Variants in PCDHA9 observed in about 807,000 individuals in gnomAD.
PCDHA9 encodes the protein protocadherin alpha-9.
A neutral mutation model predicts 62.0 loss-of-function variants in PCDHA9; 62 were observed. The ratio of observed to expected loss-of-function variants is 1.00; its 90% CI spans 0.81 to 1.23. The LOEUF is 1.23. PCDHA9 is among the 50% of genes most tolerant of loss of function. The pLI is 0.00. For synonymous variants in PCDHA9, 557 were observed against 567.6 expected, an observed-to-expected ratio of 0.98 and a Z score of 0.27; for missense variants, 1,205 against 1,249.8, an observed-to-expected ratio of 0.96 and a Z score of 0.54.
rs1554206132 is a variant in PCDHA9, at chr5:140,928,678, C to A, written c.2395-50271C>A. 3.1e-6 allele frequency: 5 copies of A among 1,614,192 alleles called. No individual in the cohort carries two copies. The East Asian group carries it at 1.1e-4, about 36-fold the overall frequency. ...TGCTGACAGTGGTTCTAATGCCTGGCTTTCCTACCACATCTCCCGGGCGTC... is the reference window on the plus strand; with the variant it reads ...TGCTGACAGTGGTTCTAATGCCTGGATTTCCTACCACATCTCCCGGGCGTC... On this transcript the variant is annotated intron_variant, in intron 1 of 3. Coordinates refer to ENST00000532602, the MANE Select transcript of PCDHA9 (RefSeq NM_031857.2).
At chr5:140,870,435 G>A in intron 1 of PCDHA9, 1 of 1,614,252 alleles carries the variant, frequency 6.2e-7, no homozygotes, top group South Asian at 1.1e-5. Context: ...CCGTGGAGGT[G>A]GCCGACGTGA....
chr5:140,999,801 G>T (rs1271249129), intron 3 of PCDHA9, among the ~76,000 whole-genome samples: 1 of 152,112 alleles, frequency 6.6e-6, no homozygotes, highest in Admixed American at 6.5e-5. Flanking sequence ...GTTATTTTGG[G>T]CACAAAGCAA....
At chr5:140,851,106 C>G in intron 1 of PCDHA9, 1 of 1,294,794 alleles carries the variant, frequency 7.7e-7, no homozygotes, top group South Asian at 2.7e-5. Context: ...TTTTTGGGTG[C>G]TGAATCAATT....
chr5:141,008,284 GC>G (rs2098367825), intron 3 of PCDHA9, among the ~76,000 whole-genome samples: 1 of 152,150 alleles, frequency 6.6e-6, no homozygotes, highest in Admixed American at 6.5e-5. Context: ...AATTGAAATA[GC>G]AGTTGTACCC....
At chr5:140,925,082 A>G (rs1362065754) in intron 1 of PCDHA9, among the ~76,000 whole-genome samples, 1 of 147,284 alleles carries the variant, frequency 6.8e-6, no homozygotes, top group African/African-American at 2.6e-5. Context: ...GCTCATCTGG[A>G]AAGGAAGGAA....
chr5:140,879,989 C>T (rs1223310901), intron 1 of PCDHA9, among the ~76,000 whole-genome samples: 3 of 152,182 alleles, frequency 2.0e-5, no homozygotes, highest in African/African-American at 7.2e-5. Flanking sequence ...AGATCCTTAA[C>T]TTAATCATAT....
intron 1 of PCDHA9, chr5:140,877,326 G>A: frequency 1.9e-6 from 3 of 1,613,964 alleles, no homozygotes. Flanking sequence ...CGGTCGGCGC[G>A]CACATCCCGT....
At chr5:140,882,561 G>A in intron 1 of PCDHA9, 2 of 1,614,222 alleles carry the variant, frequency 1.2e-6, no homozygotes, top group Non-Finnish European at 1.7e-6. Flanking sequence ...CTGTGTGGGC[G>A]GAGCGCGGAG....
intron 1 of PCDHA9, chr5:140,969,289 G>C: frequency 6.2e-7 from 1 of 1,614,208 alleles, no homozygotes; most frequent in Non-Finnish European, 8.5e-7. Context: ...AGAATGCTGG[G>C]AACCTGATTA....
chr5:141,003,708 A>T (rs1251126675), intron 3 of PCDHA9, among the ~76,000 whole-genome samples: 1 of 152,218 alleles, frequency 6.6e-6, no homozygotes, highest in Non-Finnish European at 1.5e-5. Flanking sequence ...CCAATTGTGA[A>T]GATATCGGCT....
rs1554263795 is a variant in PCDHA9 at position 141,012,061 on chromosome 5, C to T, written c.*2124C>T. 1 of 153,730 alleles carries T rather than the reference C, an allele frequency of 6.5e-6. No homozygotes were observed. The highest frequency in any genetic ancestry group is 1.9e-4 in the East Asian group (1 of 5,194). The allele number at this position is 153,730 out of a possible 1,614,324, so 9.5% of individuals were successfully genotyped here. A position where few individuals can be genotyped will look rare whatever the true frequency, so the allele number is the denominator to read the frequency against. The stretch of plus-strand genomic sequence containing the variant: ...CATGGGGTAAAACTTGTTACCAACA[C>T]ATGTGAACCATTGCTACATTGTAGG... On this transcript the variant is annotated 3_prime_UTR_variant, in exon 4 of 4. Coordinates refer to ENST00000532602, the MANE Select transcript of PCDHA9 (RefSeq NM_031857.2).
chr5:140,938,439 A>C (rs2092064072), intron 1 of PCDHA9, among the ~76,000 whole-genome samples: 1 of 152,208 alleles, frequency 6.6e-6, no homozygotes, highest in African/African-American at 2.4e-5. Flanking sequence ...TATCAGATTT[A>C]TTAAGTTCCC....
At chr5:140,973,728 C>G (rs1193811831) in intron 1 of PCDHA9, among the ~76,000 whole-genome samples, 1 of 152,232 alleles carries the variant, frequency 6.6e-6, no homozygotes, top group African/African-American at 2.4e-5. Context: ...ACATGGGCAT[C>G]TGGTCTAACT....
At chr5:140,927,475 C>A in intron 1 of PCDHA9, 1 of 1,614,110 alleles carries the variant, frequency 6.2e-7, no homozygotes, top group Non-Finnish European at 8.5e-7. Flanking sequence ...GGATCGCGAA[C>A]AGCGCGCCAC....
chr5:140,900,015 A>C (rs2067686381), intron 1 of PCDHA9, among the ~76,000 whole-genome samples: 1 of 151,940 alleles, frequency 6.6e-6, no homozygotes, highest in African/African-American at 2.4e-5. Context: ...TCACTTTGTT[A>C]CCCAGTTTGG....
intron 3 of PCDHA9, among the ~76,000 whole-genome samples, chr5:140,985,009 C>T (rs567801905): frequency 9.3e-4 from 141 of 152,162 alleles, no homozygotes; most frequent in African/African-American, 3.3e-3. Flanking sequence ...ACGATATCGG[C>T]TCACAGCAAC....
intron 1 of PCDHA9, among the ~76,000 whole-genome samples, chr5:140,957,650 C>T (rs1239447979): frequency 1.3e-5 from 2 of 151,848 alleles, no homozygotes; most frequent in Non-Finnish European, 2.9e-5. Flanking sequence ...CTTAAATATT[C>T]AATCATGGAG....
intron 1 of PCDHA9, among the ~76,000 whole-genome samples, chr5:140,890,477 C>T (rs1255992157): frequency 2.0e-5 from 3 of 151,926 alleles, no homozygotes; most frequent in African/African-American, 7.3e-5. Flanking sequence ...ATTTTTTGTG[C>T]GTTATTTTTG....
rs183786609 is a variant in PCDHA9, at chr5:140,896,576, C to T, written c.2394+45687C>T. ...ATTTTAAGTAGAGATGGGGTTTTGA[C>T]GTGTTGGCCAGGCTGGTCTCGAACT... On this transcript the variant is annotated intron_variant, in intron 1 of 3. Transcript: ENST00000532602. Among the ~76,000 whole-genome samples the T allele has an allele frequency of 3.4e-4, 51 of 151,254 alleles. No individual in the cohort carries two copies. The East Asian group carries it at 4.9e-3, about 14-fold the overall frequency.
Sources: gnomAD v4.1 joint callset for allele counts (sites outside exome capture counted in the v4.1 genomes callset) on GRCh38, gnomAD v4.1.1 for gene constraint, MANE v1.5 for transcripts, NCBI Gene and HGNC (gene_info 2026-07-23, HGNC 2026-07-21) for gene names.